TCF7L1: variants seen among roughly 807,000 people sequenced by gnomAD.
TCF7L1 encodes the protein transcription factor 7 like 1, also known as transcription factor 7-like 1.
A neutral mutation model predicts 63.7 loss-of-function variants in TCF7L1; 18 were observed. The observed-to-expected ratio is 0.28, with a 90% confidence interval of 0.20 to 0.42. The LOEUF is 0.42. Among genes scored for constraint, TCF7L1 ranks in the 10% least tolerant of loss-of-function variants. The probability of loss-of-function intolerance (pLI) is 1.00; values close to 1 mark genes in which losing one functional copy is unlikely to be tolerated. For synonymous variants in TCF7L1, 355 were observed against 340.9 expected, an observed-to-expected ratio of 1.04 and a Z score of -0.46; for missense variants, 654 against 779.3, an observed-to-expected ratio of 0.84 and a Z score of 1.91.
intron 3 of TCF7L1, among the ~76,000 whole-genome samples, chr2:85,144,749 G>T (rs7607652): frequency 0.09 from 13,173 of 146,960 alleles, 616 homozygotes; most frequent in Admixed American, 0.13. Context: ...GTGTGTGTGT[G>T]TATGTGTGTG....
At chr2:85,141,860 C>A (rs1392717585) in intron 3 of TCF7L1, among the ~76,000 whole-genome samples, 1 of 152,100 alleles carries the variant, frequency 6.6e-6, no homozygotes, top group East Asian at 1.9e-4. Flanking sequence ...GGATAGTGTG[C>A]ATTGGAGGAC....
chr2:85,305,397 T>G lies in TCF7L1; in HGVS notation c.983T>G (p.Val328Gly), dbSNP rs1682083547. The change falls in exon 8 of 12, where the codon GTG becomes GGG. Residue 328 changes from valine (V) to glycine (G), a missense_variant. Val to Gly is a moderately radical substitution (Grantham distance 109, BLOSUM62 -3). This residue lies in a region of TCF7L1 where 404 missense variants were observed against 454.8 expected (regional missense o/e 0.89). Transcript: ENST00000282111. ...GCACCCCCCAGCCTGAGCCCTGCAGTGAGCGTGTAAGTAAGCGGCAGCCTG... is the reference window on the plus strand; with the variant it reads ...GCACCCCCCAGCCTGAGCCCTGCAGGGAGCGTGTAAGTAAGCGGCAGCCTG... ...EPAPPSLSPAVSVKSPVTVKK... is the reference protein window; with the variant it reads ...EPAPPSLSPAGSVKSPVTVKK... 2 of 1,609,852 alleles carry G rather than the reference T, an allele frequency of 1.2e-6. No homozygotes were observed. The highest frequency in any genetic ancestry group is 1.7e-6 in the Non-Finnish European group (2 of 1,177,910).
chr2:85,160,763 G>C (rs1460044496), intron 3 of TCF7L1, among the ~76,000 whole-genome samples: 1 of 152,060 alleles, frequency 6.6e-6, no homozygotes, highest in Non-Finnish European at 1.5e-5. Context: ...GAGGTGGGAG[G>C]ATCACTTTAG....
intron 3 of TCF7L1, among the ~76,000 whole-genome samples, chr2:85,161,609 G>A (rs1310636714): frequency 1.3e-5 from 2 of 152,230 alleles, no homozygotes; most frequent in Non-Finnish European, 2.9e-5. Context: ...CTTTGGTCTG[G>A]GGAGCCAGGT....
At chr2:85,252,246 G>A (rs1680608056) in intron 3 of TCF7L1, among the ~76,000 whole-genome samples, 1 of 152,202 alleles carries the variant, frequency 6.6e-6, no homozygotes, top group African/African-American at 2.4e-5. Flanking sequence ...CCTCCCCACA[G>A]GCTAGCTGAT....
At chr2:85,223,215 G>A (rs994183276) in intron 3 of TCF7L1, among the ~76,000 whole-genome samples, 6 of 152,186 alleles carry the variant, frequency 3.9e-5, no homozygotes, top group Admixed American at 1.3e-4. Flanking sequence ...CTGAGTAGCT[G>A]GGACTATAGG....
At chr2:85,249,225 C>G (rs1680537184) in intron 3 of TCF7L1, among the ~76,000 whole-genome samples, 1 of 152,162 alleles carries the variant, frequency 6.6e-6, no homozygotes, top group South Asian at 2.1e-4. Flanking sequence ...CATCTGGGAA[C>G]CCAGCAGGAG....
At chr2:85,272,358 G>A (rs1437093264) in intron 3 of TCF7L1, among the ~76,000 whole-genome samples, 1 of 152,138 alleles carries the variant, frequency 6.6e-6, no homozygotes, top group East Asian at 1.9e-4. Flanking sequence ...TTCAAGTGAA[G>A]AAGAAAAATA....
chr2:85,145,386 A>G (rs1030923822), intron 3 of TCF7L1, among the ~76,000 whole-genome samples: 6 of 152,226 alleles, frequency 3.9e-5, no homozygotes, highest in Non-Finnish European at 8.8e-5. Flanking sequence ...GATGGATCTC[A>G]TTGATAATGA....
At chr2:85,136,998 G>A (rs576209746) in intron 3 of TCF7L1, among the ~76,000 whole-genome samples, 14 of 152,120 alleles carry the variant, frequency 9.2e-5, no homozygotes, top group Non-Finnish European at 1.6e-4. Context: ...GGAGGAAAGT[G>A]CCTGGGATAT....
intron 3 of TCF7L1, among the ~76,000 whole-genome samples, chr2:85,174,032 G>A (rs1678620516): frequency 6.6e-6 from 1 of 152,136 alleles, no homozygotes. Flanking sequence ...ACCGCGCCCG[G>A]CCAGAATTCA....
At chr2:85,298,190 T>TAAAAAAAAAAA (rs1681875794) in intron 4 of TCF7L1, among the ~76,000 whole-genome samples, 2 of 12,290 alleles carry the variant, frequency 1.6e-4, no homozygotes, top group African/African-American at 1.9e-3. Flanking sequence ...AGACTCCATC[T>TAAAAAAAAAAA]CAAAAAAAAA....
chr2:85,153,024 G>A (rs577736812), intron 3 of TCF7L1, among the ~76,000 whole-genome samples: 197 of 152,314 alleles, frequency 1.3e-3, no homozygotes, highest in African/African-American at 4.6e-3. Context: ...ACAATGCTTC[G>A]TTTCCTTAGT....
intron 3 of TCF7L1, among the ~76,000 whole-genome samples, chr2:85,212,058 C>A (rs1405400053): frequency 1.4e-5 from 2 of 139,422 alleles, no homozygotes; most frequent in South Asian, 2.3e-4. Flanking sequence ...CCGCTGCACT[C>A]CAGCCTGGGC....
At chr2:85,212,796 A>G (rs1679603979) in intron 3 of TCF7L1, among the ~76,000 whole-genome samples, 1 of 152,106 alleles carries the variant, frequency 6.6e-6, no homozygotes, top group Non-Finnish European at 1.5e-5. Flanking sequence ...TTGAGCATGC[A>G]CAGCCTTCTT....
At chr2:85,308,581 CCCTT>C (rs1160637661) in intron 11 of TCF7L1, among the ~76,000 whole-genome samples, 5 of 149,766 alleles carry the variant, frequency 3.3e-5, no homozygotes, top group East Asian at 2.0e-4. Context: ...CTCCCCTCCT[CCCTT>C]CCTTCCTTCC....
intron 3 of TCF7L1, among the ~76,000 whole-genome samples, chr2:85,156,309 T>A (rs1678144121): frequency 6.6e-6 from 1 of 152,170 alleles, no homozygotes; most frequent in African/African-American, 2.4e-5. Flanking sequence ...GTCAAAGGGA[T>A]TTGCACATTT....
At chr2:85,178,100 A>G (rs1678719995) in intron 3 of TCF7L1, among the ~76,000 whole-genome samples, 1 of 152,132 alleles carries the variant, frequency 6.6e-6, no homozygotes, top group Admixed American at 6.6e-5. Context: ...CAGGTGAGGA[A>G]AAAAATGGTA....
At chr2:85,146,497 C>CTTTTTTTTTTTTTTTTTTTTTTT (rs554058692) in intron 3 of TCF7L1, among the ~76,000 whole-genome samples, 2 of 103,610 alleles carry the variant, frequency 1.9e-5, no homozygotes, top group Non-Finnish European at 1.9e-5. Flanking sequence ...TTCTTTCTTT[C>CTTTTTTTTTTTTTTTTTTTTTTT]TTTTTTTTTT....
Sources: allele counts gnomAD v4.1 joint callset (sites outside exome capture counted in the v4.1 genomes callset), GRCh38; gene constraint gnomAD v4.1.1; regional missense constraint gnomAD v4.1.1; transcripts MANE v1.5; gene names NCBI Gene and HGNC (gene_info 2026-07-23, HGNC 2026-07-21).